The following PDE4D variants were observed in gnomAD, a reference collection of about 807,000 sequenced individuals.
The protein encoded by PDE4D is 3',5'-cyclic-AMP phosphodiesterase 4D.
In PDE4D, 24 loss-of-function variants were observed where a neutral mutation model predicts 87.4. The ratio of observed to expected loss-of-function variants is 0.27; its 90% CI spans 0.20 to 0.39. The LOEUF (loss-of-function observed/expected upper bound fraction) is 0.39, where lower values mean the gene tolerates loss of function less well. PDE4D is among the 10% of genes least tolerant of loss of function. The pLI is 1.00. For missense variants in PDE4D, 714 were observed against 1,041.0 expected (o/e 0.69, Z 4.32); for synonymous variants, 384 against 383.2 (o/e 1.00, Z -0.02).
At chr5:59,495,961 T>C (rs979114819) in intron 1 of PDE4D, among the ~76,000 whole-genome samples, 22 of 152,174 alleles carry the variant, frequency 1.4e-4, no homozygotes, top group African/African-American at 4.8e-4. Flanking sequence ...CCAGCTCAAT[T>C]AGACCCTCCA....
intron 2 of PDE4D, among the ~76,000 whole-genome samples, chr5:59,991,727 T>C (rs1476103946): frequency 6.6e-6 from 1 of 152,160 alleles, no homozygotes; most frequent in Non-Finnish European, 1.5e-5. Flanking sequence ...CAGTCTTAGC[T>C]TTTAGATTGG....
intron 1 of PDE4D, among the ~76,000 whole-genome samples, chr5:60,378,140 T>C (rs574583324): frequency 6.6e-6 from 1 of 152,344 alleles, no homozygotes; most frequent in East Asian, 1.9e-4. Flanking sequence ...AGTTCTGTTA[T>C]GGTAATGATA....
At chr5:59,920,979 C>T (rs1297537060) in intron 3 of PDE4D, among the ~76,000 whole-genome samples, 2 of 151,998 alleles carry the variant, frequency 1.3e-5, no homozygotes, top group Admixed American at 6.6e-5. Flanking sequence ...CAAACCTGCA[C>T]GTTGTGCACA....
At chr5:59,150,305 T>C (rs1779293541) in intron 5 of PDE4D, among the ~76,000 whole-genome samples, 1 of 152,166 alleles carries the variant, frequency 6.6e-6, no homozygotes, top group South Asian at 2.1e-4. Context: ...CATTTTCTCT[T>C]ATTGGCCAAC....
intron 2 of PDE4D, among the ~76,000 whole-genome samples, chr5:59,203,367 A>T (rs1039421288): frequency 3.3e-5 from 5 of 152,144 alleles, no homozygotes; most frequent in African/African-American, 1.2e-4. Context: ...GAGAAAAGGA[A>T]GCCTTTTTAC....
intron 1 of PDE4D, among the ~76,000 whole-genome samples, chr5:60,400,633 T>C (rs1740993794): frequency 6.6e-6 from 1 of 151,736 alleles, no homozygotes; most frequent in Non-Finnish European, 1.5e-5. Context: ...CATTAATTTA[T>C]AGAATTAAAA....
intron 1 of PDE4D, among the ~76,000 whole-genome samples, chr5:59,763,939 A>C (rs1762475913): frequency 6.6e-6 from 1 of 152,154 alleles, no homozygotes; most frequent in Non-Finnish European, 1.5e-5. Context: ...GGCGCAATAG[A>C]AATCTGTTCC....
At chr5:59,221,478 T>A (rs1471893037) in intron 1 of PDE4D, among the ~76,000 whole-genome samples, 1 of 151,918 alleles carries the variant, frequency 6.6e-6, no homozygotes, top group Non-Finnish European at 1.5e-5. Context: ...CAAAAAATTT[T>A]AAAATTACCT....
chr5:59,530,594 ACACAAC>A (rs1814031723), intron 1 of PDE4D, among the ~76,000 whole-genome samples: 1 of 147,504 alleles, frequency 6.8e-6, no homozygotes. Flanking sequence ...TTCAGTATAT[ACACAAC>A]CATATTATTA....
chr5:59,668,830 AGAGGAAGAGGAAGAG>A (rs1561441042), intron 1 of PDE4D, among the ~76,000 whole-genome samples: 1,238 of 77,068 alleles, frequency 0.016, 88 homozygotes, highest in African/African-American at 0.061. Context: ...AAGAAGAAGA[AGAGGAAGAGGAAGAG>A]GAAGAAGAAG....
intron 1 of PDE4D, among the ~76,000 whole-genome samples, chr5:60,406,688 T>C (rs1345843309): frequency 6.6e-6 from 1 of 152,212 alleles, no homozygotes; most frequent in Admixed American, 6.5e-5. Context: ...TGTGTTTCTT[T>C]ATTTTATTCC....
chr5:59,548,138 T>A (rs1817577614), intron 1 of PDE4D, among the ~76,000 whole-genome samples: 1 of 152,182 alleles, frequency 6.6e-6, no homozygotes, highest in Non-Finnish European at 1.5e-5. Context: ...TCCTTTGAAT[T>A]TTTGAGTTTC....
chr5:59,650,738 A>C (rs1365778885), intron 1 of PDE4D, among the ~76,000 whole-genome samples: 1 of 152,186 alleles, frequency 6.6e-6, no homozygotes, highest in African/African-American at 2.4e-5. Context: ...TCACTACTTA[A>C]TAAGTAAGGT....
chr5:59,012,701 A>T (rs2153366746), intron 6 of PDE4D, among the ~76,000 whole-genome samples: 1 of 152,310 alleles, frequency 6.6e-6, no homozygotes, highest in African/African-American at 2.4e-5. Context: ...CACAATAATA[A>T]TGGGAGACTT....
intron 1 of PDE4D, among the ~76,000 whole-genome samples, chr5:59,253,846 T>C (rs975126940): frequency 4.0e-5 from 6 of 151,868 alleles, no homozygotes; most frequent in African/African-American, 1.2e-4. Flanking sequence ...CAGTGAGGAG[T>C]GATGTCATAG....
At chr5:60,439,916 T>TA (rs551046470) in intron 1 of PDE4D, among the ~76,000 whole-genome samples, 74 of 132,238 alleles carry the variant, frequency 5.6e-4, no homozygotes, top group East Asian at 7.7e-4. Context: ...TTCCATTGTT[T>TA]AAAAAAAAAA....
intron 1 of PDE4D, among the ~76,000 whole-genome samples, chr5:59,696,956 G>A (rs1396490340): frequency 6.6e-6 from 1 of 152,116 alleles, no homozygotes; most frequent in Non-Finnish European, 1.5e-5. Context: ...ACAATCACTG[G>A]TAAGAAAACC....
At chr5:59,408,449 C>G (rs982846642) in intron 1 of PDE4D, among the ~76,000 whole-genome samples, 29 of 152,328 alleles carry the variant, frequency 1.9e-4, no homozygotes, top group Non-Finnish European at 3.8e-4. Context: ...AGAGTCCTCA[C>G]AGAAAACCTC....
intron 1 of PDE4D, among the ~76,000 whole-genome samples, chr5:59,368,487 TGAGTAATATAAGAATTA>T (rs1783440650): frequency 6.6e-6 from 1 of 152,216 alleles, no homozygotes; most frequent in African/African-American, 2.4e-5. Context: ...TATTGCCATT[TGAGTAATATAAGAATTA>T]GAGACATTTG....
Sources: gnomAD v4.1 joint callset for allele counts (sites outside exome capture counted in the v4.1 genomes callset) on GRCh38, gnomAD v4.1.1 for gene constraint, MANE v1.5 for transcripts, NCBI Gene and HGNC (gene_info 2026-07-23, HGNC 2026-07-21) for gene names.